The following PIK3C2A variants were observed in gnomAD, a reference collection of about 807,000 sequenced individuals.
PIK3C2A encodes the protein phosphatidylinositol 4-phosphate 3-kinase C2 domain-containing subunit alpha.
A neutral mutation model predicts 204.5 loss-of-function variants in PIK3C2A; 97 were observed. That is an observed-to-expected ratio of 0.47 (90% CI 0.40 to 0.56). The LOEUF is 0.56. Ranked by LOEUF, PIK3C2A falls within the 20% of genes least tolerant of loss-of-function variation. PIK3C2A has a pLI of 0.00. For missense variants in PIK3C2A, 1,735 were observed against 1,969.2 expected (o/e 0.88, Z 2.25); for synonymous variants, 653 against 664.4 (o/e 0.98, Z 0.26).
rs1427559448 is a variant in PIK3C2A at position 17,150,538 on chromosome 11, G to A, written c.1287C>T (p.Asp429=). ...GENASVKVSI[D]IEGFQLPVTF... is the part of the protein sequence containing the mutation. ...TAACTGGTAGCTGAAATCCTTCAAT[G>A]TCAATGGAGACCTTCACACTAGCAT... is the stretch of plus-strand genomic sequence containing the variant. Residue 429 remains aspartate (D), a synonymous_variant, in exon 4 of 33, where the codon GAC becomes GAT. Coordinates refer to ENST00000691414, the MANE Select transcript of PIK3C2A (RefSeq NM_002645.4). 1 of 1,609,566 alleles carries A rather than the reference G, an allele frequency of 6.2e-7. No individual in the cohort carries two copies. Among genetic ancestry groups the A allele is most frequent in the South Asian group, 1.1e-5 (1 of 90,590 alleles).
In PIK3C2A at chr11:17,112,600, C is replaced by T; in HGVS notation, c.3388G>A (p.Gly1130Arg). The T allele has an allele frequency of 6.5e-7, 1 of 1,547,830 alleles. No homozygotes were observed. The highest frequency in any genetic ancestry group is 2.4e-5 in the East Asian group (1 of 42,450). Residue 1130 changes from glycine (G) to arginine (R), a missense_variant, in exon 21 of 33, where the codon GGA becomes AGA. Physicochemically the swap from Gly to Arg is moderately radical, Grantham distance 125. Coordinates refer to ENST00000691414, the MANE Select transcript of PIK3C2A (RefSeq NM_002645.4). Reference protein sequence around the residue: ...KVTMVNADPMGEEINVMFKVG... With the variant: ...KVTMVNADPMREEINVMFKVG... ...TTAAACATGACATTAATTTCTTCTC[C>T]CATAGGGTCAGCATTCACCATTGTG...
intron 1 of PIK3C2A, among the ~76,000 whole-genome samples, chr11:17,177,036 C>G (rs1408496319): frequency 6.6e-6 from 1 of 152,074 alleles, no homozygotes; most frequent in Non-Finnish European, 1.5e-5. Flanking sequence ...ATGTAATCTG[C>G]TCAGTCTCAC....
At chr11:17,171,555 T>A (rs1851163391) in intron 1 of PIK3C2A, among the ~76,000 whole-genome samples, 1 of 152,172 alleles carries the variant, frequency 6.6e-6, no homozygotes, top group South Asian at 2.1e-4. Flanking sequence ...ATTCAAAGAA[T>A]GTCCTTGGAA....
At chr11:17,122,418 CT>C in intron 14 of PIK3C2A, 85 bp from the exon 15 acceptor site, 1 of 824,038 alleles carries the variant, frequency 1.2e-6, no homozygotes, top group Non-Finnish European at 1.9e-6. Context: ...ACAGATTTTT[CT>C]TAGCAATCGG....
Position 17,168,843 on chromosome 11 carries a change from G to A in PIK3C2A, c.899C>T (p.Ala300Val), listed in dbSNP as rs143379015. The A allele has an allele frequency of 3.7e-4, 604 of 1,614,050 alleles. 4 individuals are homozygous for A. The highest frequency in any genetic ancestry group is 6.8e-4 in the Admixed American group (41 of 59,996). Reference sequence around the variant, plus strand: ...AAGAACAGCATCCCAAGGATCCTTTGCTAGCAAACTTGAAACATTTTTCTC... The same window carrying A: ...AAGAACAGCATCCCAAGGATCCTTTACTAGCAAACTTGAAACATTTTTCTC... Reference protein sequence around the residue: ...EEEKNVSSLLAKDPWDAVLLE... With the variant: ...EEEKNVSSLLVKDPWDAVLLE... Residue 300 changes from alanine to valine, a missense_variant, in exon 2 of 33, where the codon GCA (alanine) becomes GTA (valine). Coordinates refer to ENST00000691414, the MANE Select transcript of PIK3C2A (RefSeq NM_002645.4).
At chr11:17,182,567 C>CAAA (rs11453658) in intron 1 of PIK3C2A, among the ~76,000 whole-genome samples, 42 of 91,774 alleles carry the variant, frequency 4.6e-4, no homozygotes, top group African/African-American at 1.4e-3. Context: ...GACCCTGTCT[C>CAAA]AAAAAAAAAA....
At position 17,099,639 on chromosome 11, in the gene PIK3C2A, GAT is replaced by G. The variant is rs151141305; in HGVS notation, c.4118+219_4118+220del. On this transcript the variant is annotated intron_variant, in intron 26 of 32. Transcript: ENST00000691414. ...AAATTACATATTAAATAAACCTTGAGATATTTTGAGGCAAATAAGTATATTTT... is the reference window on the plus strand; with the variant it reads ...AAATTACATATTAAATAAACCTTGAGATTTTGAGGCAAATAAGTATATTTT... 0.024 allele frequency among the ~76,000 whole-genome samples: 3,712 copies of G among 152,222 alleles called. 532 individuals carry two copies. The East Asian group carries it at 0.42, about 17-fold the overall frequency.
chr11:17,202,257 C>T (rs1347559845), intron 1 of PIK3C2A, among the ~76,000 whole-genome samples: 2 of 95,566 alleles, frequency 2.1e-5, no homozygotes, highest in Non-Finnish European at 4.6e-5. Flanking sequence ...ACTTCATCTC[C>T]AGAAAAAAAA....
chr11:17,194,897 G>A (rs529160832), intron 1 of PIK3C2A, among the ~76,000 whole-genome samples: 20 of 137,718 alleles, frequency 1.5e-4, no homozygotes, highest in East Asian at 2.2e-4. Context: ...CAACAAGAAC[G>A]AAACTCCATC....
chr11:17,107,310 C>T (rs1848857747), intron 22 of PIK3C2A, among the ~76,000 whole-genome samples: 1 of 151,094 alleles, frequency 6.6e-6, no homozygotes, highest in South Asian at 2.1e-4. Flanking sequence ...AAGGCTCCGT[C>T]TCAAAAAATA....
intron 22 of PIK3C2A, among the ~76,000 whole-genome samples, chr11:17,105,896 G>C (rs1160408835): frequency 6.0e-5 from 9 of 150,290 alleles, no homozygotes; most frequent in Middle Eastern, 3.5e-3. Context: ...ATCACTTGAG[G>C]TCAGGAGTTT....
chr11:17,101,263 A>T lies in PIK3C2A; in HGVS notation c.4008+15T>A. ...TTAATATAAAACTAATTAAGTGCTT[A>T]TAAAGAATAGTTACCAGTGAAAGGA... On this transcript the variant is annotated intron_variant, in intron 25 of 32. Transcript: ENST00000691414. The T allele has an allele frequency of 7.0e-7, 1 of 1,427,160 alleles. No homozygotes were observed. Among genetic ancestry groups the T allele is most frequent in the South Asian group, 1.4e-5 (1 of 70,182 alleles). The allele number at this position is 1,427,160 out of a possible 1,614,324, so 88.4% of individuals were successfully genotyped here.
rs998881219 is a variant in PIK3C2A, at chr11:17,089,814, G to T, written c.4985C>A (p.Thr1662Asn). 7.4e-6 allele frequency: 12 copies of T among 1,613,700 alleles called. No individual in the cohort carries two copies. The highest frequency in any genetic ancestry group is 2.2e-5 in the South Asian group (2 of 91,080). Residue 1662 changes from threonine (T) to asparagine (N), a missense_variant, in exon 33 of 33, where the codon ACC becomes AAC. This residue lies in a region of PIK3C2A where 503 missense variants were observed against 669.0 expected (regional missense o/e 0.75). Transcript: ENST00000691414. ...CAAGTTGAAATCTTTCAAAGGCAGG[G>T]TTACTCCACCCAAGAAAAAATTCTC... ...LRENFFLGGV[T>N]LPLKDFNLSK...
At chr11:17,145,643 T>C in intron 8 of PIK3C2A, 25 bp downstream of exon 8, 2 of 1,448,730 alleles carry the variant, frequency 1.4e-6, no homozygotes, top group Non-Finnish European at 1.9e-6. Flanking sequence ...TAAGTCATTA[T>C]GCCAAAATGT....
intron 1 of PIK3C2A, among the ~76,000 whole-genome samples, chr11:17,171,810 T>C (rs1281382454): frequency 6.6e-6 from 1 of 152,134 alleles, no homozygotes; most frequent in African/African-American, 2.4e-5. Flanking sequence ...GAGGTCTCAT[T>C]ATGTTACCCA....
chr11:17,090,592 G>C (rs546583706), intron 32 of PIK3C2A, among the ~76,000 whole-genome samples: 1 of 152,154 alleles, frequency 6.6e-6, no homozygotes, highest in Admixed American at 6.6e-5. Context: ...CTATTATAGA[G>C]GGGGGTTCAC....
chr11:17,197,715 C>G (rs1329134274), intron 1 of PIK3C2A, among the ~76,000 whole-genome samples: 2 of 152,198 alleles, frequency 1.3e-5, no homozygotes, highest in African/African-American at 4.8e-5. Flanking sequence ...GAGATAATTA[C>G]TGAACTTTGA....
At chr11:17,100,894 C>A (rs924767024) in intron 25 of PIK3C2A, among the ~76,000 whole-genome samples, 1 of 152,110 alleles carries the variant, frequency 6.6e-6, no homozygotes, top group African/African-American at 2.4e-5. Flanking sequence ...TTTTACTTAA[C>A]GATAATATAT....
At chr11:17,157,590 T>C (rs1005324331) in intron 2 of PIK3C2A, among the ~76,000 whole-genome samples, 1 of 152,078 alleles carries the variant, frequency 6.6e-6, no homozygotes, top group Non-Finnish European at 1.5e-5. Flanking sequence ...TTTTCATTAA[T>C]AAGAGGACAC....
Sources: allele counts gnomAD v4.1 joint callset (sites outside exome capture counted in the v4.1 genomes callset), GRCh38; gene constraint gnomAD v4.1.1; regional missense constraint gnomAD v4.1.1; transcripts MANE v1.5; gene names NCBI Gene and HGNC (gene_info 2026-07-23, HGNC 2026-07-21).